SPTAN1: variants seen among roughly 807,000 people sequenced by gnomAD.
SPTAN1 encodes spectrin alpha chain, non-erythrocytic 1.
SPTAN1 carries 61 observed loss-of-function variants against 331.3 expected under a neutral mutation model. The ratio of observed to expected loss-of-function variants is 0.18; its 90% CI spans 0.15 to 0.23. The LOEUF is 0.23. Among genes scored for constraint, SPTAN1 ranks in the 10% least tolerant of loss-of-function variants. The pLI, the probability that SPTAN1 is intolerant of heterozygous loss-of-function variation, is 1.00. For missense variants in SPTAN1, 2,043 were observed against 3,147.9 expected, an observed-to-expected ratio of 0.65 and a Z score of 8.40; for synonymous variants, 1,153 against 1,173.9, an observed-to-expected ratio of 0.98 and a Z score of 0.36.
chr9:128,591,657 GGCGT>G, intron 22 of SPTAN1, 32 bp downstream of exon 22: 1 of 1,612,542 alleles, frequency 6.2e-7, no homozygotes, highest in African/African-American at 1.3e-5. Flanking sequence ...GCAAGGGCTA[GGCGT>G]CCCATAGGCA....
chr9:128,604,964 T>A (rs1855634860), intron 29 of SPTAN1, 70 bp from the exon 30 acceptor site: 1 of 1,468,854 alleles, frequency 6.8e-7, no homozygotes, highest in African/African-American at 1.4e-5. Flanking sequence ...ATAAATAAAT[T>A]TTTTTTAGTG....
chr9:128,600,093 C>A lies in SPTAN1; in HGVS notation c.3557C>A (p.Ser1186Tyr). 1 of 1,614,192 alleles carries A rather than the reference C, an allele frequency of 6.2e-7. No individual in the cohort carries two copies. Among genetic ancestry groups the A allele is most frequent in the Non-Finnish European group, 8.5e-7 (1 of 1,180,042 alleles). Residue 1186 changes from serine (S) to tyrosine (Y), a missense_variant, in exon 27 of 57, where the codon TCC becomes TAC. By Grantham distance (144) the Ser-to-Tyr change is moderately radical. Transcript: ENST00000372739. ...TTCTTTGAATAGGATGAAACTGATT[C>A]CAAGACAGCCTCCCCGTGGAAGGTA... ...YGMMPRDETDSKTASPWKSAR... is the reference protein window; with the variant it reads ...YGMMPRDETDYKTASPWKSAR...
chr9:128,566,946 A>T lies in SPTAN1; in HGVS notation c.206A>T (p.Asp69Val). 1 of 1,614,196 alleles carries T rather than the reference A, an allele frequency of 6.2e-7. No homozygotes were observed. Among genetic ancestry groups the T allele is most frequent in the Non-Finnish European group, 8.5e-7 (1 of 1,180,050 alleles). Residue 69 changes from aspartate to valine, a missense_variant, in exon 2 of 57, where the codon GAT becomes GTT. By Grantham distance (152) the Asp-to-Val change is radical. This residue lies in a region of SPTAN1 where 1,038 missense variants were observed against 1,531.5 expected (regional missense o/e 0.68). Transcript: ENST00000372739. ...WIQEKLQIAS[D>V]ENYKDPTNLQ... Reference sequence around the variant, plus strand: ...CAGGAAAAACTTCAGATTGCATCTGATGAGAATTATAAAGACCCAACCAAC... The same window carrying T: ...CAGGAAAAACTTCAGATTGCATCTGTTGAGAATTATAAAGACCCAACCAAC...
At chr9:128,624,854 G>C (rs929501725) in intron 46 of SPTAN1, 1 of 591,886 alleles carries the variant, frequency 1.7e-6, no homozygotes, top group Non-Finnish European at 3.0e-6. Context: ...GGATATCGGG[G>C]TCCACGTGTC....
chr9:128,625,617 G>A lies in SPTAN1; in HGVS notation c.6070-152G>A. 3.9e-6 allele frequency: 3 copies of A among 769,742 alleles called. No individual in the cohort carries two copies. The South Asian group carries it at 4.3e-5, about 11-fold the overall frequency. The allele number at this position is 769,742 out of a possible 1,614,324, so 47.7% of individuals were successfully genotyped here. On this transcript the variant is annotated intron_variant, in intron 47 of 56. Transcript: ENST00000372739. This position sits in a 1 kb window ranked among gnomAD's most constrained non-coding sequence, Gnocchi z 4.1. ...TGATCTGCGGTCTGAAGGAGAGCAG[G>A]AAAGGGGGCATGTGTGACTGAGTCT...
chr9:128,582,959 A>G (rs1852135489), intron 14 of SPTAN1, 110 bp downstream of exon 14: 1 of 1,580,254 alleles, frequency 6.3e-7, no homozygotes, highest in South Asian at 1.1e-5. Flanking sequence ...AAACCCCACT[A>G]CTTAATGTAA....
At chr9:128,586,223 A>G (rs1589225583) in intron 19 of SPTAN1, among the ~76,000 whole-genome samples, 3 of 145,822 alleles carry the variant, frequency 2.1e-5, no homozygotes, top group Admixed American at 7.2e-5. Flanking sequence ...GGCTCAAGCG[A>G]TCCTCCTGCC....
chr9:128,588,434 C>T (rs1564238345), intron 20 of SPTAN1, among the ~76,000 whole-genome samples: 1 of 150,868 alleles, frequency 6.6e-6, no homozygotes, highest in Non-Finnish European at 1.5e-5. Context: ...GACTCATCCT[C>T]CCGAGTAGCT....
rs1180920922 is a variant in SPTAN1 at position 128,629,453 on chromosome 9, G to C, written c.6708-868G>C. Among the ~76,000 whole-genome samples, 1 of 152,124 alleles carries C rather than the reference G, an allele frequency of 6.6e-6. No individual in the cohort carries two copies. The highest frequency in any genetic ancestry group is 6.5e-5 in the Admixed American group (1 of 15,282). ...CCTTGCTAGAGCACTTTGAACCTGG[G>C]GAGATTGCAGAGCTAACCCTGGCTC... is the stretch of plus-strand genomic sequence containing the variant. On this transcript the variant is annotated intron_variant, in intron 51 of 56. Transcript: ENST00000372739. The surrounding 1 kb of genome is among the most constrained non-coding windows in gnomAD (Gnocchi z 4.9).
intron 22 of SPTAN1, among the ~76,000 whole-genome samples, chr9:128,592,683 C>G (rs1414267704): frequency 6.6e-6 from 1 of 152,206 alleles, no homozygotes; most frequent in African/African-American, 2.4e-5. Flanking sequence ...TAAGGGTAGT[C>G]CAGTCTGTTC....
chr9:128,603,724 G>C, intron 28 of SPTAN1, 134 bp downstream of exon 28: 3 of 1,134,534 alleles, frequency 2.6e-6, no homozygotes, highest in Non-Finnish European at 4.0e-6. Flanking sequence ...GTCCAAGCAT[G>C]TCCTAAGTAA....
intron 39 of SPTAN1, among the ~76,000 whole-genome samples, chr9:128,612,557 A>C (rs1195125344): frequency 6.6e-6 from 1 of 152,188 alleles, no homozygotes; most frequent in Non-Finnish European, 1.5e-5. Flanking sequence ...AGAAACCAAG[A>C]TAGTAGCATC....
Position 128,633,340 on chromosome 9 carries a change from T to C in SPTAN1, c.*6T>C. Reference sequence around the variant, plus strand: ...GCTCGCTTTTCGTGAACTGAGCCACTCCCTGGGTCACCCACCCCTCGCTGC... The same window carrying C: ...GCTCGCTTTTCGTGAACTGAGCCACCCCCTGGGTCACCCACCCCTCGCTGC... On this transcript the variant is annotated 3_prime_UTR_variant, in exon 57 of 57. Transcript: ENST00000372739. 6.2e-7 allele frequency: 1 copy of C among 1,613,750 alleles called. No homozygotes were observed. Among genetic ancestry groups the C allele is most frequent in the Non-Finnish European group, 8.5e-7 (1 of 1,180,024 alleles).
Position 128,625,266 on chromosome 9 carries a change from TTC to T in SPTAN1, c.6069+89_6069+90del, listed in dbSNP as rs1308658683. On this transcript the variant is annotated intron_variant, in intron 47 of 56. Coordinates refer to ENST00000372739, the MANE Select transcript of SPTAN1 (RefSeq NM_001130438.3). The surrounding 1 kb of genome is among the most constrained non-coding windows in gnomAD (Gnocchi z 4.1). ...GGCGTCTTTCACTGAGGCATTTATCTTCTGTTAGCCCCTGGGGATCAGCAGGA... is the reference window on the plus strand; with the variant it reads ...GGCGTCTTTCACTGAGGCATTTATCTTGTTAGCCCCTGGGGATCAGCAGGA... 7.5e-6 allele frequency: 10 copies of T among 1,330,920 alleles called. No homozygotes were observed. Among genetic ancestry groups the T allele is most frequent in the Non-Finnish European group, 1.1e-5 (10 of 930,992 alleles). The allele number at this position is 1,330,920 out of a possible 1,614,324, so 82.4% of individuals were successfully genotyped here.
rs1335667313 is a variant in SPTAN1, at chr9:128,631,724, G to C, written c.6763-403G>C. Reference sequence around the variant, plus strand: ...ACCTGTTAGTTCCAGCTACTCAGGAGATTGAGGCAGGAGAATCACTTGAAC... The same window carrying C: ...ACCTGTTAGTTCCAGCTACTCAGGACATTGAGGCAGGAGAATCACTTGAAC... On this transcript the variant is annotated intron_variant, in intron 52 of 56. Transcript: ENST00000372739. The C allele has an allele frequency of 1.1e-4, 24 of 224,052 alleles. No homozygotes were observed. In the Admixed American group the frequency reaches 1.3e-3, roughly 12 times the overall value. The allele number at this position is 224,052 out of a possible 1,614,324, so 13.9% of individuals were successfully genotyped here.
Position 128,632,246 on chromosome 9 carries a change from C to T in SPTAN1, c.6882C>T (p.Gly2294=), listed in dbSNP as rs1859868464. ...DNKYTEHSTV[G]LAQQWDQLDQ... is the part of the protein sequence containing the mutation. ...AGTACACGGAGCACAGCACCGTGGG[C>T]CTCGCCCAGCAGTGGGACCAGCTGG... is the stretch of plus-strand genomic sequence containing the variant. Residue 2294 remains glycine, a synonymous_variant, in exon 53 of 57, where the codon GGC becomes GGT. Coordinates refer to ENST00000372739, the MANE Select transcript of SPTAN1 (RefSeq NM_001130438.3). The T allele has an allele frequency of 6.2e-7, 1 of 1,613,476 alleles. No homozygotes were observed.
intron 1 of SPTAN1, among the ~76,000 whole-genome samples, chr9:128,558,406 A>T (rs1305825581): frequency 2.6e-5 from 4 of 152,198 alleles, no homozygotes; most frequent in Non-Finnish European, 5.9e-5. Context: ...TTGTCCTTAA[A>T]CATATAGAGA....
Position 128,583,785 on chromosome 9 carries a change from T to C in SPTAN1, c.2012-3T>C. 3.1e-6 allele frequency: 5 copies of C among 1,614,158 alleles called. No individual in the cohort carries two copies. The highest frequency in any genetic ancestry group is 1.3e-5 in the African/African-American group (1 of 75,026). Reference sequence around the variant, plus strand: ...ACAAAATTAAACTTGTTTTCTTCCATAGGAATAAAGCTTCGTGAAGCCAAC... The same window carrying C: ...ACAAAATTAAACTTGTTTTCTTCCACAGGAATAAAGCTTCGTGAAGCCAAC... On this transcript the variant is annotated splice_region_variant and splice_polypyrimidine_tract_variant and intron_variant, in intron 15 of 56. Coordinates refer to ENST00000372739, the MANE Select transcript of SPTAN1 (RefSeq NM_001130438.3).
chr9:128,621,551 A>G, intron 45 of SPTAN1: 1 of 493,002 alleles, frequency 2.0e-6, no homozygotes. Context: ...TTATAGGGAC[A>G]GTAGAAAATG....
Sources: gnomAD v4.1 joint callset for allele counts (sites outside exome capture counted in the v4.1 genomes callset) on GRCh38, gnomAD v4.1.1 for gene constraint, gnomAD v4.1.1 regional missense constraint, Gnocchi (gnomAD v3.1) non-coding constraint, MANE v1.5 for transcripts, NCBI Gene and HGNC (gene_info 2026-07-23, HGNC 2026-07-21) for gene names.